SLC17A5: variants seen among roughly 807,000 people sequenced by gnomAD.
SLC17A5 encodes solute carrier family 17 member 5, also known as sialin.
Under a neutral mutation model 59.4 loss-of-function variants are expected in SLC17A5, and 47 were observed. That is an observed-to-expected ratio of 0.79 (90% confidence interval 0.63 to 1.01). The LOEUF (loss-of-function observed/expected upper bound fraction) is 1.01. SLC17A5 is among the 50% of genes least tolerant of loss of function. The pLI, the probability that SLC17A5 is intolerant of heterozygous loss-of-function variation, is 0.00. For synonymous variants in SLC17A5, 202 were observed against 210.7 expected (o/e 0.96, Z 0.36); for missense variants, 522 against 595.5 (o/e 0.88, Z 1.28).
At chr6:73,601,130 G>A (rs953161950) in intron 9 of SLC17A5, among the ~76,000 whole-genome samples, 1 of 150,600 alleles carries the variant, frequency 6.6e-6, no homozygotes, top group Non-Finnish European at 1.5e-5. Flanking sequence ...TCCCATCTGG[G>A]AAGTGAGGAG....
chr6:73,627,651 A>C (rs1352233842), intron 6 of SLC17A5, among the ~76,000 whole-genome samples: 1 of 150,884 alleles, frequency 6.6e-6, no homozygotes, highest in Non-Finnish European at 1.5e-5. Context: ...TTTTTTGAGA[A>C]GGAATCTCAC....
intron 6 of SLC17A5, among the ~76,000 whole-genome samples, chr6:73,632,846 A>T (rs975570582): frequency 6.6e-6 from 1 of 152,056 alleles, no homozygotes; most frequent in Non-Finnish European, 1.5e-5. Flanking sequence ...TTACCCATCA[A>T]TGTTGAGAAA....
chr6:73,653,053 A>G (rs1242976509), intron 1 of SLC17A5: 4 of 985,348 alleles, frequency 4.1e-6, no homozygotes, highest in Admixed American at 6.1e-5. Flanking sequence ...TTGGCAAATT[A>G]CTTTAGAACT....
Position 73,636,670 on chromosome 6 carries a change from A to C in SLC17A5, c.651T>G (p.Ser217=), listed in dbSNP as rs754686760. 1 of 1,611,912 alleles carries C rather than the reference A, an allele frequency of 6.2e-7. No individual in the cohort carries two copies. Among genetic ancestry groups the C allele is most frequent in the African/African-American group, 1.3e-5 (1 of 74,910 alleles). ...AATTCATATAGTAGCAAATTATTCC[A>C]GAAAGAGGAAGAGAAATTACTGTCC... The part of the protein sequence containing the change: ...QLGTVISLPL[S]GIICYYMNWT... The change falls in exon 5 of 11, where the codon TCT becomes TCG. Residue 217 remains serine (S), a synonymous_variant. Coordinates refer to ENST00000355773, the MANE Select transcript of SLC17A5 (RefSeq NM_012434.5).
At chr6:73,649,862 G>T (rs1464976149) in intron 1 of SLC17A5, among the ~76,000 whole-genome samples, 1 of 152,130 alleles carries the variant, frequency 6.6e-6, no homozygotes, top group African/African-American at 2.4e-5. Context: ...GTTGAAGAGA[G>T]TGGGGGCATG....
chr6:73,650,935 C>G (rs377181602), intron 1 of SLC17A5, among the ~76,000 whole-genome samples: 14 of 152,180 alleles, frequency 9.2e-5, no homozygotes, highest in African/African-American at 3.4e-4. Context: ...ATAGTCATGA[C>G]GGTAATTAAG....
At chr6:73,609,942 TTGTTGGTGGTGCTAGTTA>T (rs1767572964) in intron 9 of SLC17A5, among the ~76,000 whole-genome samples, 1 of 152,014 alleles carries the variant, frequency 6.6e-6, no homozygotes, top group Non-Finnish European at 1.5e-5. Flanking sequence ...GCTCTAGAGA[TTGTTGGTGGTGCTAGTTA>T]TGAAACAATG....
chr6:73,624,568 T>A (rs1768315526), intron 6 of SLC17A5, among the ~76,000 whole-genome samples: 1 of 151,938 alleles, frequency 6.6e-6, no homozygotes, highest in African/African-American at 2.4e-5. Flanking sequence ...TCATAGTACA[T>A]ATAGATAACT....
At chr6:73,626,486 GTCT>G (rs1056382461) in intron 6 of SLC17A5, among the ~76,000 whole-genome samples, 29 of 152,186 alleles carry the variant, frequency 1.9e-4, no homozygotes, top group African/African-American at 6.5e-4. Context: ...CAGGGGGAAA[GTCT>G]TCATTTATAA....
At chr6:73,606,028 G>GATTTATTTATTT (rs111362961) in intron 9 of SLC17A5, among the ~76,000 whole-genome samples, 1 of 148,624 alleles carries the variant, frequency 6.7e-6, no homozygotes, top group African/African-American at 2.5e-5. Flanking sequence ...AATTTGATGA[G>GATTTATTTATTT]ATTTATTTAT....
rs145991308 is a variant in SLC17A5, at chr6:73,625,508, T to C, written c.820-3546A>G. Among the ~76,000 whole-genome samples the C allele has an allele frequency of 9.9e-5, 15 of 152,232 alleles. No individual in the cohort carries two copies. In the East Asian group the frequency reaches 2.7e-3, roughly 27 times the overall value. On this transcript the variant is annotated intron_variant, in intron 6 of 10. Transcript: ENST00000355773. ...TTGCGCTTGGTTGTATTTTTTAATA[T>C]GATCAAAGATGTACAGATATAGGGA...
At chr6:73,600,947 A>T (rs1273834550) in intron 9 of SLC17A5, among the ~76,000 whole-genome samples, 1 of 152,204 alleles carries the variant, frequency 6.6e-6, no homozygotes, top group African/African-American at 2.4e-5. Context: ...TAACATTAAC[A>T]TTAGGCCCGG....
intron 10 of SLC17A5, 83 bp from the exon 11 acceptor site, chr6:73,595,297 T>C: frequency 6.9e-7 from 1 of 1,448,888 alleles, no homozygotes; most frequent in South Asian, 1.2e-5. Flanking sequence ...CACAAGAGTG[T>C]TAAAACAGCC....
intron 7 of SLC17A5, among the ~76,000 whole-genome samples, chr6:73,616,238 G>A (rs35584640): frequency 0.23 from 34,194 of 151,782 alleles, 4,031 homozygotes; most frequent in African/African-American, 0.25. Flanking sequence ...TGCCAGCCTT[G>A]CCAGAAGACA....
chr6:73,597,193 C>G (rs543578336), intron 10 of SLC17A5, among the ~76,000 whole-genome samples: 1 of 151,290 alleles, frequency 6.6e-6, no homozygotes, highest in South Asian at 2.1e-4. Flanking sequence ...CCAGGCCAGG[C>G]GTGGTGGCTT....
chr6:73,627,100 C>A (rs1581975566), intron 6 of SLC17A5, among the ~76,000 whole-genome samples: 2 of 142,812 alleles, frequency 1.4e-5, no homozygotes, highest in Middle Eastern at 4.1e-3. Flanking sequence ...TTTCTTGAGA[C>A]GGAGTCTCGC....
rs374659214 is a variant in SLC17A5, at chr6:73,635,491, C to T, written c.710G>A (p.Gly237Glu). ...GATCCACAAAAGAAACCAAAATATT[C>T]CAATAGTACCTTAAAATAGAAAAAT... ...TYVFYFFGTI[G>E]IFWFLLWIWL... is the part of the protein sequence containing the mutation. The change falls in exon 6 of 11, where the codon GGA (glycine) becomes GAA (glutamate). Residue 237 changes from glycine to glutamate, a missense_variant. Coordinates refer to ENST00000355773, the MANE Select transcript of SLC17A5 (RefSeq NM_012434.5). 4.0e-5 allele frequency: 60 copies of T among 1,504,044 alleles called. No individual in the cohort carries two copies. Among genetic ancestry groups the T allele is most frequent in the Non-Finnish European group, 5.1e-5 (55 of 1,086,662 alleles). The allele number at this position is 1,504,044 out of a possible 1,614,324, so 93.2% of individuals were successfully genotyped here.
intron 9 of SLC17A5, among the ~76,000 whole-genome samples, chr6:73,605,502 C>G (rs2150082453): frequency 6.6e-6 from 1 of 152,178 alleles, no homozygotes; most frequent in Non-Finnish European, 1.5e-5. Flanking sequence ...AAGACTCCTG[C>G]AACTAGAAAT....
At chr6:73,626,558 T>C (rs1768428488) in intron 6 of SLC17A5, among the ~76,000 whole-genome samples, 1 of 152,202 alleles carries the variant, frequency 6.6e-6, no homozygotes, top group Admixed American at 6.5e-5. Flanking sequence ...TCCGCGTATC[T>C]AGCAGACATT....
Sources: allele counts gnomAD v4.1 joint callset (sites outside exome capture counted in the v4.1 genomes callset), GRCh38; gene constraint gnomAD v4.1.1; transcripts MANE v1.5; gene names NCBI Gene and HGNC (gene_info 2026-07-23, HGNC 2026-07-21).